The following LEPR variants were observed in gnomAD, a reference collection of about 807,000 sequenced individuals.
LEPR encodes leptin receptor.
A neutral mutation model predicts 114.7 loss-of-function variants in LEPR; 56 were observed. The ratio of observed to expected loss-of-function variants is 0.49; its 90% CI spans 0.39 to 0.61. The LOEUF (loss-of-function observed/expected upper bound fraction) is 0.61. Ranked by LOEUF, LEPR falls within the 20% of genes least tolerant of loss-of-function variation. The pLI, the probability that LEPR is intolerant of heterozygous loss-of-function variation, is 0.00. For synonymous variants in LEPR, 443 were observed against 461.4 expected, an observed-to-expected ratio of 0.96 and a Z score of 0.51; for missense variants, 1,202 against 1,352.9, an observed-to-expected ratio of 0.89 and a Z score of 1.75.
chr1:65,613,759 C>CAAAAAAAAAAAA (rs754145031), intron 14 of LEPR, among the ~76,000 whole-genome samples: 1 of 32,284 alleles, frequency 3.1e-5, no homozygotes, highest in African/African-American at 1.8e-4. Flanking sequence ...GACTCCGTCT[C>CAAAAAAAAAAAA]AAAAAAAAAA....
At chr1:65,575,822 A>G (rs1262540238) in intron 5 of LEPR, among the ~76,000 whole-genome samples, 1 of 151,612 alleles carries the variant, frequency 6.6e-6, no homozygotes, top group Non-Finnish European at 1.5e-5. Flanking sequence ...AGTTAAAATT[A>G]TATTCTGATT....
intron 2 of LEPR, among the ~76,000 whole-genome samples, chr1:65,554,177 AG>A (rs1397745340): frequency 6.6e-6 from 1 of 152,168 alleles, no homozygotes; most frequent in Non-Finnish European, 1.5e-5. Context: ...GTCAAGAGGC[AG>A]GGTGGTTAGG....
At chr1:65,496,911 A>G (rs1452934523) in intron 2 of LEPR, among the ~76,000 whole-genome samples, 1 of 152,060 alleles carries the variant, frequency 6.6e-6, no homozygotes, top group Non-Finnish European at 1.5e-5. Flanking sequence ...CTGAATTAGA[A>G]TCTACATTCA....
intron 2 of LEPR, among the ~76,000 whole-genome samples, chr1:65,499,719 C>A (rs1648344852): frequency 6.6e-6 from 1 of 152,126 alleles, no homozygotes. Context: ...AATCTGCAGA[C>A]ATCTTCTTTA....
intron 2 of LEPR, among the ~76,000 whole-genome samples, chr1:65,439,801 C>T (rs1287769621): frequency 7.0e-6 from 1 of 142,082 alleles, no homozygotes; most frequent in Non-Finnish European, 1.5e-5. Flanking sequence ...GCACTCCAGC[C>T]TGGGCAACAA....
Position 65,619,941 on chromosome 1 carries a change from C to T in LEPR, c.2409C>T (p.Pro803=). The T allele has an allele frequency of 6.2e-7, 1 of 1,612,010 alleles. No homozygotes were observed. Among genetic ancestry groups the T allele is most frequent in the Non-Finnish European group, 8.5e-7 (1 of 1,178,538 alleles). ...KKYYIHDHFI[P]IEKYQFSLYP... is the part of the protein sequence containing the mutation. ...TTTTCTCCTCAGATCATTTTATCCC[C>T]ATTGAGAAGTACCAGTTCAGTCTTT... Residue 803 remains proline, a synonymous_variant, in exon 17 of 20, where the codon CCC becomes CCT. Transcript: ENST00000349533.
chr1:65,567,297 G>A (rs1211947328), intron 3 of LEPR, among the ~76,000 whole-genome samples: 2 of 152,110 alleles, frequency 1.3e-5, no homozygotes, highest in African/African-American at 2.4e-5. Flanking sequence ...GAGGATTTTA[G>A]GCTAATTCAT....
intron 17 of LEPR, among the ~76,000 whole-genome samples, chr1:65,620,777 T>C (rs1657832613): frequency 6.6e-6 from 1 of 152,156 alleles, no homozygotes; most frequent in Admixed American, 6.5e-5. Flanking sequence ...TTCATTATAA[T>C]GTTGATGAGA....
At chr1:65,427,755 T>C (rs1308242263) in intron 2 of LEPR, 5 of 401,710 alleles carry the variant, frequency 1.2e-5, no homozygotes, top group Admixed American at 8.6e-5. Flanking sequence ...TTGTTTTCTA[T>C]CTTTATTTTA....
At chr1:65,487,157 C>T (rs1436774634) in intron 2 of LEPR, among the ~76,000 whole-genome samples, 1 of 152,138 alleles carries the variant, frequency 6.6e-6, no homozygotes, top group African/African-American at 2.4e-5. Flanking sequence ...CCCATTCATT[C>T]AACAACAATA....
intron 17 of LEPR, 152 bp from the exon 18 acceptor site, chr1:65,621,201 C>T: frequency 1.5e-6 from 1 of 673,940 alleles, no homozygotes; most frequent in Non-Finnish European, 2.5e-6. Context: ...GTGATCACAA[C>T]ATATTTTTAT....
intron 2 of LEPR, among the ~76,000 whole-genome samples, chr1:65,488,987 A>G (rs748619049): frequency 1.3e-5 from 2 of 152,156 alleles, no homozygotes; most frequent in Non-Finnish European, 2.9e-5. Flanking sequence ...TTCATTATGT[A>G]TATGTACCAC....
At chr1:65,614,533 T>C (rs984456711) in intron 14 of LEPR, among the ~76,000 whole-genome samples, 2 of 152,184 alleles carry the variant, frequency 1.3e-5, no homozygotes, top group African/African-American at 4.8e-5. Context: ...CTCTAGTTGA[T>C]ACAGTTCTCA....
rs1006285817 is a variant in LEPR at position 65,622,418 on chromosome 1, G to A, written c.2598-488G>A. Among the ~76,000 whole-genome samples, 80 of 150,500 alleles carry A rather than the reference G, an allele frequency of 5.3e-4. 1 individual carries two copies. The highest frequency in any genetic ancestry group is 5.6e-4 in the Non-Finnish European group (38 of 67,528). ...GGCAAATGCCTGAGTTCCGTGGATG[G>A]TGGCATGGGTGCCATGATACTCTCT... On this transcript the variant is annotated intron_variant, in intron 18 of 19. Coordinates refer to ENST00000349533, the MANE Select transcript of LEPR (RefSeq NM_002303.6).
intron 2 of LEPR, 120 bp downstream of exon 2, chr1:65,425,498 A>G: frequency 1.3e-6 from 1 of 743,532 alleles, no homozygotes; most frequent in Non-Finnish European, 2.1e-6. Flanking sequence ...AGTGGAGCCC[A>G]GTTTATGAAC....
At chr1:65,475,565 A>C (rs965537354) in intron 2 of LEPR, among the ~76,000 whole-genome samples, 4 of 152,054 alleles carry the variant, frequency 2.6e-5, no homozygotes, top group Admixed American at 6.6e-5. Flanking sequence ...TTTTCTTTTA[A>C]TTTGGAAGAC....
intron 5 of LEPR, chr1:65,578,258 G>T: frequency 9.3e-6 from 2 of 215,444 alleles, no homozygotes; most frequent in South Asian, 1.6e-4. Flanking sequence ...AATAGTGGAT[G>T]AGCACATTCT....
At chr1:65,620,070 A>T in intron 17 of LEPR, 47 bp downstream of exon 17, 1 of 1,425,980 alleles carries the variant, frequency 7.0e-7, no homozygotes, top group East Asian at 2.3e-5. Context: ...GTGTGTGCCT[A>T]ATTTGTTTGC....
rs1656988736 is a variant in LEPR, at chr1:65,608,812, A to G, written c.1663A>G (p.Lys555Glu). Residue 555 changes from lysine (K) to glutamate (E), a missense_variant, in exon 12 of 20, where the codon AAA becomes GAA. Coordinates refer to ENST00000349533, the MANE Select transcript of LEPR (RefSeq NM_002303.6). ...AEITINIGLL[K>E]ISWEKPVFPE... ...AATTACTATAAACATTGGATTATTG[A>G]AAATATCTTGGGAAAAGCCAGTCTT... 1 of 1,613,806 alleles carries G rather than the reference A, an allele frequency of 6.2e-7. No individual in the cohort carries two copies.
Sources: gnomAD v4.1 joint callset for allele counts (sites outside exome capture counted in the v4.1 genomes callset) on GRCh38, gnomAD v4.1.1 for gene constraint, MANE v1.5 for transcripts, NCBI Gene and HGNC (gene_info 2026-07-23, HGNC 2026-07-21) for gene names.